Variants in PCDH11X observed in about 807,000 individuals in gnomAD.
The protein encoded by PCDH11X is protocadherin-11 X-linked.
A neutral mutation model predicts 53.3 loss-of-function variants in PCDH11X; 18 were observed. The ratio of observed to expected loss-of-function variants is 0.34; its 90% CI spans 0.23 to 0.50. The LOEUF (loss-of-function observed/expected upper bound fraction) is 0.50, where lower values mean the gene tolerates loss of function less well. Among genes scored for constraint, PCDH11X ranks in the 20% least tolerant of loss-of-function variants. The pLI is 0.98. For missense variants in PCDH11X, 570 were observed against 1,032.4 expected (o/e 0.55, Z 6.14); for synonymous variants, 279 against 393.3 (o/e 0.71, Z 3.44).
At chrX:92,370,625 A>C (rs2070598239) in intron 8 of PCDH11X, among the ~76,000 whole-genome samples, 1 of 109,491 alleles carries the variant, frequency 9.1e-6, no homozygotes, top group South Asian at 4.0e-4. Flanking sequence ...ATGCCCAGCT[A>C]ATTTTTGTAT....
chrX:92,279,062 C>T (rs887781544), intron 8 of PCDH11X, among the ~76,000 whole-genome samples: 19 of 111,224 alleles, frequency 1.7e-4, no homozygotes, highest in Non-Finnish European at 3.0e-4. Flanking sequence ...CCACCTGCCT[C>T]GGCCTCCCAA....
At chrX:91,808,347 T>C (rs1265937435) in intron 1 of PCDH11X, among the ~76,000 whole-genome samples, 1 of 108,537 alleles carries the variant, frequency 9.2e-6, no homozygotes. Flanking sequence ...ATACAAAAAT[T>C]AGCTGGGCAT....
intron 6 of PCDH11X, among the ~76,000 whole-genome samples, chrX:92,109,213 A>G (rs765495754): frequency 9.0e-6 from 1 of 111,148 alleles, no homozygotes; most frequent in South Asian, 3.8e-4. Flanking sequence ...TCTACTAAAA[A>G]TGCAAAAATT....
At chrX:92,386,225 T>A (rs2148571461) in intron 8 of PCDH11X, among the ~76,000 whole-genome samples, 1 of 111,090 alleles carries the variant, frequency 9.0e-6, no homozygotes, top group East Asian at 2.8e-4. Flanking sequence ...TTTTCATATA[T>A]CTTCCAATAA....
intron 6 of PCDH11X, chrX:91,983,013 A>G: frequency 1.7e-6 from 2 of 1,187,321 alleles, no homozygotes; most frequent in South Asian, 1.8e-5. Flanking sequence ...GCTCTGGGTC[A>G]CTCCGGACTT....
At chrX:92,112,331 TAAAAA>T (rs72029186) in intron 6 of PCDH11X, among the ~76,000 whole-genome samples, 4 of 89,076 alleles carry the variant, frequency 4.5e-5, no homozygotes, top group Admixed American at 2.4e-4. Flanking sequence ...GATGTTCTGG[TAAAAA>T]AAAAAAAAAA....
intron 5 of PCDH11X, among the ~76,000 whole-genome samples, chrX:91,854,114 C>A (rs1255222503): frequency 1.8e-5 from 2 of 111,179 alleles, no homozygotes; most frequent in Admixed American, 1.9e-4. Context: ...TTCATTCTTT[C>A]TTTTTTGGTA....
intron 8 of PCDH11X, among the ~76,000 whole-genome samples, chrX:92,337,817 G>C (rs895151160): frequency 1.7e-4 from 19 of 110,849 alleles, no homozygotes; most frequent in African/African-American, 5.2e-4. Context: ...ATTTACTGTG[G>C]GCAAAATGAA....
chrX:91,833,793 G>T (rs979707447), intron 4 of PCDH11X, among the ~76,000 whole-genome samples: 1 of 111,671 alleles, frequency 9.0e-6, no homozygotes, highest in African/African-American at 3.3e-5. Flanking sequence ...CGGATGTGCA[G>T]CTATGCAATG....
At chrX:91,984,669 G>A (rs1396482563) in intron 6 of PCDH11X, among the ~76,000 whole-genome samples, 1 of 111,276 alleles carries the variant, frequency 9.0e-6, no homozygotes, top group Admixed American at 9.6e-5. Flanking sequence ...GATCATGTGA[G>A]TAGTATAAAT....
chrX:92,448,608 A>G (rs1405751760), intron 9 of PCDH11X, among the ~76,000 whole-genome samples: 26 of 95,120 alleles, frequency 2.7e-4, no homozygotes, highest in African/African-American at 1.0e-3. Context: ...AGTCTCAGGT[A>G]TGTCGTTATT....
At chrX:92,079,313 G>A (rs35356131) in intron 6 of PCDH11X, among the ~76,000 whole-genome samples, 10 of 111,975 alleles carry the variant, frequency 8.9e-5, no homozygotes, top group African/African-American at 2.6e-4. Flanking sequence ...AGTCATTCAC[G>A]GACATGGACA....
At position 91,847,290 on chromosome X, in the gene PCDH11X, T is replaced by A. The variant is rs746902048; in HGVS notation, c.540+11246T>A. Among the ~76,000 whole-genome samples, 3 of 110,805 alleles carry A rather than the reference T, an allele frequency of 2.7e-5. No homozygotes were observed. In the East Asian group the frequency reaches 8.6e-4, roughly 32 times the overall value. On this transcript the variant is annotated intron_variant, in intron 5 of 10. Coordinates refer to ENST00000682573, the MANE Select transcript of PCDH11X (RefSeq NM_032968.5). Reference sequence around the variant, plus strand: ...AATCAATTCCCCTGCCTCAGCCTCCTTAGAAGCTGAGACTACAGGCTAGCA... The same window carrying A: ...AATCAATTCCCCTGCCTCAGCCTCCATAGAAGCTGAGACTACAGGCTAGCA...
chrX:92,279,697 A>G (rs1270899885), intron 8 of PCDH11X, among the ~76,000 whole-genome samples: 1 of 112,545 alleles, frequency 8.9e-6, no homozygotes, highest in Non-Finnish European at 1.9e-5. Context: ...TTACTTGGCA[A>G]TATATTACTT....
At chrX:91,906,569 G>A (rs1304363222) in intron 6 of PCDH11X, among the ~76,000 whole-genome samples, 2 of 111,303 alleles carry the variant, frequency 1.8e-5, no homozygotes, top group Non-Finnish European at 3.8e-5. Context: ...CCTGACAGGT[G>A]ATTTATATGA....
intron 9 of PCDH11X, among the ~76,000 whole-genome samples, chrX:92,457,873 T>G (rs1460258826): frequency 9.4e-6 from 1 of 106,193 alleles, no homozygotes; most frequent in Non-Finnish European, 1.9e-5. Flanking sequence ...AAAACATGCT[T>G]TCATATACAA....
chrX:91,902,248 T>TA (rs1342966940), intron 6 of PCDH11X, among the ~76,000 whole-genome samples: 2 of 110,454 alleles, frequency 1.8e-5, no homozygotes, highest in Non-Finnish European at 3.8e-5. Flanking sequence ...CAAAACATCT[T>TA]AATCTAGTCT....
At chrX:92,153,955 T>C (rs1489830425) in intron 6 of PCDH11X, among the ~76,000 whole-genome samples, 1 of 111,711 alleles carries the variant, frequency 9.0e-6, no homozygotes, top group Non-Finnish European at 1.9e-5. Flanking sequence ...TAGTTATTAC[T>C]GGTAGAAGAA....
chrX:92,169,664 C>G (rs1224858231), intron 6 of PCDH11X, among the ~76,000 whole-genome samples: 1 of 105,942 alleles, frequency 9.4e-6, no homozygotes, highest in Non-Finnish European at 1.9e-5. Context: ...CTTATTGAGG[C>G]AGTAGAATAT....
Sources: allele counts gnomAD v4.1 joint callset (sites outside exome capture counted in the v4.1 genomes callset), GRCh38; gene constraint gnomAD v4.1.1; transcripts MANE v1.5; gene names NCBI Gene and HGNC (gene_info 2026-07-23, HGNC 2026-07-21).